The following RNF38 variants were observed in gnomAD, a reference collection of about 807,000 sequenced individuals.
The protein encoded by RNF38 is E3 ubiquitin-protein ligase RNF38.
RNF38 carries 15 observed loss-of-function variants against 67.2 expected under a neutral mutation model. The ratio of observed to expected loss-of-function variants is 0.22; its 90% CI spans 0.15 to 0.34. RNF38 has a LOEUF of 0.34. Among genes scored for constraint, RNF38 ranks in the 10% least tolerant of loss-of-function variants. RNF38 has a pLI of 1.00. For missense variants in RNF38, 524 were observed against 639.9 expected (o/e 0.82, Z 1.95); for synonymous variants, 220 against 218.8 (o/e 1.01, Z -0.05).
At chr9:36,349,021 C>A (rs950265511) in intron 9 of RNF38, among the ~76,000 whole-genome samples, 1 of 152,168 alleles carries the variant, frequency 6.6e-6, no homozygotes, top group African/African-American at 2.4e-5. Flanking sequence ...AATCATCTGC[C>A]ATTCTGTGGG....
upstream of RNF38, chr9:36,401,131 C>T (rs1838005417): frequency 1.0e-6 from 1 of 985,018 alleles, no homozygotes; most frequent in Non-Finnish European, 1.2e-6. Flanking sequence ...CACCGGAGCG[C>T]TCCTCCCTTT....
At chr9:36,343,382 T>C (rs1008107204) in intron 10 of RNF38, among the ~76,000 whole-genome samples, 2 of 152,270 alleles carry the variant, frequency 1.3e-5, no homozygotes, top group African/African-American at 4.8e-5. Context: ...AGATCTATAA[T>C]ATGTATAAAA....
At chr9:36,376,789 G>T (rs993046766) in intron 2 of RNF38, among the ~76,000 whole-genome samples, 2 of 151,952 alleles carry the variant, frequency 1.3e-5, no homozygotes, top group African/African-American at 4.8e-5. Context: ...AGCTGGGCGT[G>T]GTGGCACATG....
At chr9:36,409,521 AC>A (rs1380285531) in intron 2 of RNF38, among the ~76,000 whole-genome samples, 1 of 152,054 alleles carries the variant, frequency 6.6e-6, no homozygotes, top group African/African-American at 2.4e-5. Flanking sequence ...TGAACGTCTT[AC>A]TATTTCCATT....
At chr9:36,432,301 AT>A (rs1454846081) in intron 1 of RNF38, among the ~76,000 whole-genome samples, 1 of 151,942 alleles carries the variant, frequency 6.6e-6, no homozygotes, top group Non-Finnish European at 1.5e-5. Flanking sequence ...TGCCTGGCTA[AT>A]TTTTGTATTT....
chr9:36,384,839 G>C (rs1440844380), intron 2 of RNF38, among the ~76,000 whole-genome samples: 3 of 152,230 alleles, frequency 2.0e-5, no homozygotes, highest in African/African-American at 7.2e-5. Flanking sequence ...TAAAGCAGCA[G>C]AGACAACTTG....
chr9:36,343,897 G>A lies in RNF38; in HGVS notation c.1385+935C>T, dbSNP rs549246162. ...CACCAAGGTGAGGTAGAAATATGAC[G>A]AGTGTTGCCAGTGGGTGAGGGGTTT... On this transcript the variant is annotated intron_variant, in intron 10 of 11. Transcript: ENST00000259605. Among the ~76,000 whole-genome samples, 7 of 152,278 alleles carry A rather than the reference G, an allele frequency of 4.6e-5. No homozygotes were observed. In the South Asian group the frequency reaches 1.0e-3, roughly 23 times the overall value.
rs115382323 is a variant in RNF38, at chr9:36,410,517, C to A, written n.312+14096G>T. ...AATTTTTGTACTGTGAGAAGCCATGCCACCAGGAACAAAGGGAAATCTATG... is the reference window on the plus strand; with the variant it reads ...AATTTTTGTACTGTGAGAAGCCATGACACCAGGAACAAAGGGAAATCTATG... On this transcript the variant is annotated intron_variant and non_coding_transcript_variant, in intron 2 of 3. Transcript: ENST00000488058. Among the ~76,000 whole-genome samples the A allele has an allele frequency of 2.8e-3, 419 of 152,094 alleles. 2 individuals carry two copies. The highest frequency in any genetic ancestry group is 8.8e-3 in the African/African-American group (365 of 41,504).
chr9:36,347,861 G>C (rs566580698), intron 9 of RNF38, among the ~76,000 whole-genome samples: 40 of 151,812 alleles, frequency 2.6e-4, no homozygotes, highest in Admixed American at 4.6e-4. Context: ...TGGATCATGA[G>C]ATCAGGAGAT....
intron 1 of RNF38, among the ~76,000 whole-genome samples, chr9:36,454,377 C>A (rs899314622): frequency 6.6e-6 from 1 of 152,074 alleles, no homozygotes; most frequent in African/African-American, 2.4e-5. Context: ...AATCCGCCCA[C>A]CTCGGCCTCC....
At chr9:36,480,427 T>C (rs79008279) in intron 1 of RNF38, among the ~76,000 whole-genome samples, 3,357 of 152,010 alleles carry the variant, frequency 0.022, 139 homozygotes, top group African/African-American at 0.076. Context: ...GCCACTAAAA[T>C]CCAAGGTGCA....
intron 5 of RNF38, among the ~76,000 whole-genome samples, chr9:36,357,024 C>T (rs1316376777): frequency 2.0e-5 from 3 of 152,270 alleles, no homozygotes; most frequent in African/African-American, 4.8e-5. Flanking sequence ...TGTGCACTTG[C>T]TTTAATCTCA....
intron 1 of RNF38, among the ~76,000 whole-genome samples, chr9:36,391,420 A>G (rs530426024): frequency 2.1e-4 from 32 of 152,270 alleles, no homozygotes; most frequent in African/African-American, 7.5e-4. Flanking sequence ...AATGTGTTCC[A>G]CTGTGCTGTG....
At chr9:36,466,033 C>G (rs982360744) in intron 1 of RNF38, among the ~76,000 whole-genome samples, 3 of 152,132 alleles carry the variant, frequency 2.0e-5, no homozygotes, top group Non-Finnish European at 2.9e-5. Flanking sequence ...GCCTGGGCAA[C>G]AGTGCGAGAC....
chr9:36,400,753 G>A (rs1469396028), upstream of RNF38: 4 of 985,632 alleles, frequency 4.1e-6, no homozygotes, highest in South Asian at 4.7e-5. Context: ...CACGGGCCGC[G>A]CCAGGAAACG....
chr9:36,435,846 G>T lies in RNF38; in HGVS notation n.242-11163C>A, dbSNP rs1009528956. On this transcript the variant is annotated intron_variant and non_coding_transcript_variant, in intron 1 of 3. Transcript: ENST00000488058. The stretch of plus-strand genomic sequence containing the variant: ...GGGTTTCACGGTGTTAGCCAGGATG[G>T]TCTCGATATCCTGACCTCGTGATCC... 7.4e-4 allele frequency among the ~76,000 whole-genome samples: 112 copies of T among 152,076 alleles called. 1 individual carries two copies. The highest frequency in any genetic ancestry group is 1.5e-3 in the Non-Finnish European group (100 of 68,024).
intron 1 of RNF38, among the ~76,000 whole-genome samples, chr9:36,398,331 G>A (rs1199182026): frequency 6.6e-6 from 1 of 152,108 alleles, no homozygotes; most frequent in African/African-American, 2.4e-5. Flanking sequence ...TTACTCAGGA[G>A]GCCAAGAAAG....
chr9:36,345,101 C>T lies in RNF38; in HGVS notation c.1264-148G>A, dbSNP rs966108937. The T allele has an allele frequency of 7.1e-6, 5 of 703,214 alleles. No homozygotes were observed. The Admixed American group carries it at 1.0e-4, about 14-fold the overall frequency. 43.6% of individuals were successfully genotyped at this position (703,214 alleles called of 1,614,324 possible). The stretch of plus-strand genomic sequence containing the variant: ...GCATGATCATTGTGCACTGTGGCCT[C>T]GAACTCCTGACCTCATGCAATACTC... On this transcript the variant is annotated intron_variant, in intron 9 of 11. Coordinates refer to ENST00000259605, the MANE Select transcript of RNF38 (RefSeq NM_022781.5).
At chr9:36,393,155 G>A (rs1456847258) in intron 1 of RNF38, among the ~76,000 whole-genome samples, 3 of 152,190 alleles carry the variant, frequency 2.0e-5, no homozygotes, top group Non-Finnish European at 4.4e-5. Flanking sequence ...AAAATTGCTA[G>A]TACAAGTAGC....
Sources: allele counts gnomAD v4.1 joint callset (sites outside exome capture counted in the v4.1 genomes callset), GRCh38; gene constraint gnomAD v4.1.1; transcripts MANE v1.5; gene names NCBI Gene and HGNC (gene_info 2026-07-23, HGNC 2026-07-21).